Variants in USP54 observed in about 807,000 individuals in gnomAD.
USP54 encodes the protein ubiquitin carboxyl-terminal hydrolase 54.
A neutral mutation model predicts 170.5 loss-of-function variants in USP54; 87 were observed. The observed-to-expected ratio is 0.51, with a 90% CI of 0.43 to 0.61. USP54 has a LOEUF of 0.61. Ranked by LOEUF, USP54 falls within the 20% of genes least tolerant of loss-of-function variation. The pLI is 0.00. For missense variants in USP54, 1,786 were observed against 2,047.8 expected (o/e 0.87, Z 2.47); for synonymous variants, 655 against 742.8 (o/e 0.88, Z 1.92).
intron 19 of USP54, chr10:73,518,103 G>A (rs1390680891): frequency 3.3e-5 from 29 of 876,812 alleles, no homozygotes; most frequent in Non-Finnish European, 3.7e-5. Context: ...CTCACATGCA[G>A]ATGACATGGA....
At chr10:73,526,902 T>C in intron 15 of USP54, 122 bp from the exon 16 acceptor site, 2 of 1,179,954 alleles carry the variant, frequency 1.7e-6, no homozygotes, top group Middle Eastern at 2.0e-4. Context: ...TCTGCTAAAC[T>C]ACTTCTGAAG....
intron 11 of USP54, among the ~76,000 whole-genome samples, chr10:73,535,448 C>G (rs1473968002): frequency 6.6e-6 from 1 of 152,012 alleles, no homozygotes; most frequent in Admixed American, 6.6e-5. Context: ...ACGTCAAAGT[C>G]AAGTATCTTC....
chr10:73,513,246 T>C (rs925018531), intron 20 of USP54: 1 of 152,094 alleles, frequency 6.6e-6, no homozygotes, highest in African/African-American at 2.4e-5. Context: ...GGCGGATTAC[T>C]TGAGGCCAGG....
At chr10:73,501,889 G>T (rs2058197185) in intron 22 of USP54, among the ~76,000 whole-genome samples, 1 of 151,958 alleles carries the variant, frequency 6.6e-6, no homozygotes, top group Non-Finnish European at 1.5e-5. Flanking sequence ...TACTTCCTTA[G>T]AGCTGATTTC....
Position 73,530,193 on chromosome 10 carries a change from T to C in USP54, c.1778A>G (p.Lys593Arg). Residue 593 changes from lysine (K) to arginine (R), a missense_variant, in exon 14 of 24, where the codon AAA becomes AGA. By Grantham distance (26) the Lys-to-Arg change is conservative. Transcript: ENST00000687698. Reference protein sequence around the residue: ...LNIDSIFSKDKRKHCGYTQLS... With the variant: ...LNIDSIFSKDRRKHCGYTQLS... ...CTGGGTATAGCCACAGTGCTTCCTTTTGTCCTTACTAAAGATACTGTCAAT... is the reference window on the plus strand; with the variant it reads ...CTGGGTATAGCCACAGTGCTTCCTTCTGTCCTTACTAAAGATACTGTCAAT... 6.2e-7 allele frequency: 1 copy of C among 1,614,004 alleles called. No individual in the cohort carries two copies. The highest frequency in any genetic ancestry group is 1.3e-5 in the African/African-American group (1 of 75,064).
rs184201297 is a variant in USP54 at position 73,617,978 on chromosome 10, A to T, written c.-18+7589T>A. On this transcript the variant is annotated intron_variant, in intron 1 of 22. Transcript: ENST00000339859. The stretch of plus-strand genomic sequence containing the variant: ...GTAATCTCAGCATTCTGGGAGTGCA[A>T]GGTTGACGGATCATCTGAGGTCAGG... 2.2e-4 allele frequency among the ~76,000 whole-genome samples: 33 copies of T among 150,538 alleles called. 3 individuals are homozygous for T. Among genetic ancestry groups the T allele is most frequent in the African/African-American group, 8.3e-4 (33 of 39,900 alleles).
At chr10:73,531,260 C>T (rs2063913188) in intron 12 of USP54, among the ~76,000 whole-genome samples, 1 of 150,168 alleles carries the variant, frequency 6.7e-6, no homozygotes, top group East Asian at 1.9e-4. Context: ...CACTGCACTC[C>T]AGCCTGGACG....
intron 20 of USP54, 127 bp from the exon 21 acceptor site, chr10:73,505,553 C>T (rs944602389): frequency 1.8e-5 from 13 of 726,744 alleles, no homozygotes; most frequent in Non-Finnish European, 2.0e-5. Context: ...TTGAATTCAA[C>T]GGAGGAACAT....
At chr10:73,605,174 G>A (rs549977100) in intron 1 of USP54, among the ~76,000 whole-genome samples, 17 of 152,202 alleles carry the variant, frequency 1.1e-4, no homozygotes, top group African/African-American at 3.6e-4. Context: ...GACCCAGGAG[G>A]TCCAGCTGGC....
intron 16 of USP54, among the ~76,000 whole-genome samples, chr10:73,525,436 T>C (rs1181394964): frequency 6.6e-6 from 1 of 152,242 alleles, no homozygotes; most frequent in African/African-American, 2.4e-5. Context: ...AACTCCTTGC[T>C]AATTATCTTT....
intron 1 of USP54, among the ~76,000 whole-genome samples, chr10:73,608,176 C>T (rs1164498042): frequency 1.3e-5 from 2 of 152,016 alleles, no homozygotes; most frequent in Admixed American, 1.3e-4. Flanking sequence ...AAAAGAATTG[C>T]TTGAACCCGG....
At position 73,619,935 on chromosome 10, in the gene USP54, G is replaced by T. The variant is rs1287219782; in HGVS notation, c.-18+5632C>A. 2.0e-5 allele frequency among the ~76,000 whole-genome samples: 3 copies of T among 150,616 alleles called. 1 individual carries two copies. The highest frequency in any genetic ancestry group is 7.5e-5 in the African/African-American group (3 of 39,926). ...TAATTATTAAATATAACTTGGCAAT[G>T]TGGTAGAGTACAAGGAACAGTTAAC... On this transcript the variant is annotated intron_variant, in intron 1 of 22. Transcript: ENST00000339859.
intron 1 of USP54, among the ~76,000 whole-genome samples, chr10:73,612,937 C>T (rs2080268554): frequency 6.6e-6 from 1 of 151,292 alleles, no homozygotes; most frequent in African/African-American, 2.4e-5. Flanking sequence ...AGCAGAATCA[C>T]TTGAGCTCAA....
rs1455699436 is a variant in USP54, at chr10:73,617,325, G to A, written c.-18+8242C>T. ...AAAAAAAAATTAGCCAGGCGGTGGC[G>A]CATGCCTGTAATCCCAGTTACGTGG... On this transcript the variant is annotated intron_variant, in intron 1 of 22. Transcript: ENST00000339859. Among the ~76,000 whole-genome samples the A allele has an allele frequency of 1.2e-4, 18 of 148,988 alleles. 2 individuals are homozygous for A. The highest frequency in any genetic ancestry group is 4.6e-4 in the African/African-American group (18 of 38,972).
rs373895149 is a variant in USP54, at chr10:73,598,817, G to A, written c.-17-23142C>T. 2.8e-3 allele frequency among the ~76,000 whole-genome samples: 421 copies of A among 152,356 alleles called. 4 individuals carry two copies. The highest frequency in any genetic ancestry group is 9.9e-3 in the African/African-American group (412 of 41,586). ...CATCTGTAGTCCCAGCTACTTGGGA[G>A]GCTGAGGCAGGAGAATCGCTTGAAC... On this transcript the variant is annotated intron_variant, in intron 1 of 22. Coordinates refer to the USP54 transcript ENST00000339859.
intron 1 of USP54, among the ~76,000 whole-genome samples, chr10:73,598,551 C>T (rs1236749903): frequency 6.6e-6 from 1 of 151,942 alleles, no homozygotes; most frequent in Non-Finnish European, 1.5e-5. Context: ...CCGAGAAGGC[C>T]GATCACAACA....
At chr10:73,536,565 A>T in intron 10 of USP54, 128 bp from the exon 11 acceptor site, 1 of 1,109,178 alleles carries the variant, frequency 9.0e-7, no homozygotes, top group Non-Finnish European at 1.2e-6. Context: ...GTAAAAAGGC[A>T]GCAAAAAAGA....
chr10:73,623,018 T>C (rs1380212058), intron 1 of USP54, among the ~76,000 whole-genome samples: 2 of 152,130 alleles, frequency 1.3e-5, no homozygotes, highest in African/African-American at 2.4e-5. Flanking sequence ...TTTTATCTCT[T>C]CTGAGAAACT....
At chr10:73,525,401 T>C (rs186059324) in intron 16 of USP54, among the ~76,000 whole-genome samples, 3 of 152,286 alleles carry the variant, frequency 2.0e-5, no homozygotes, top group Admixed American at 2.0e-4. Context: ...GGTGGGGTGA[T>C]ATGGTGTGTG....
Sources: gnomAD v4.1 joint callset for allele counts (sites outside exome capture counted in the v4.1 genomes callset) on GRCh38, gnomAD v4.1.1 for gene constraint, MANE v1.5 for transcripts, NCBI Gene and HGNC (gene_info 2026-07-23, HGNC 2026-07-21) for gene names.